Variants in SNTG1 observed in about 807,000 individuals in gnomAD.
SNTG1 encodes the protein gamma-1-syntrophin.
Under a neutral mutation model 74.7 loss-of-function variants are expected in SNTG1, and 39 were observed. The ratio of observed to expected loss-of-function variants is 0.52; its 90% confidence interval spans 0.40 to 0.68. The LOEUF (loss-of-function observed/expected upper bound fraction) is 0.68, where lower values mean the gene tolerates loss of function less well. Among genes scored for constraint, SNTG1 ranks in the 30% least tolerant of loss-of-function variants. SNTG1 has a pLI of 0.00. For missense variants in SNTG1, 685 were observed against 609.5 expected (o/e 1.12, Z -1.30); for synonymous variants, 254 against 217.1 (o/e 1.17, Z -1.49).
At chr8:50,709,089 T>A in intron 17 of SNTG1, 111 bp downstream of exon 17, 1 of 837,584 alleles carries the variant, frequency 1.2e-6, no homozygotes, top group Non-Finnish European at 1.9e-6. Context: ...GTGTCAAATT[T>A]AAGATCTTCG....
chr8:50,000,416 C>T (rs1274718579), intron 1 of SNTG1, among the ~76,000 whole-genome samples: 1 of 152,070 alleles, frequency 6.6e-6, no homozygotes, highest in Non-Finnish European at 1.5e-5. Context: ...TGCTGCTCCT[C>T]CGAGTTGTTC....
chr8:50,715,128 A>G (rs970022016), intron 17 of SNTG1, among the ~76,000 whole-genome samples: 1 of 152,186 alleles, frequency 6.6e-6, no homozygotes, highest in Admixed American at 6.5e-5. Context: ...GAATGAAGGC[A>G]TTGGAATCCC....
At chr8:50,444,399 C>G (rs1436355549) in intron 5 of SNTG1, among the ~76,000 whole-genome samples, 1 of 152,088 alleles carries the variant, frequency 6.6e-6, no homozygotes, top group Non-Finnish European at 1.5e-5. Flanking sequence ...CATTTTTACT[C>G]AAGTCTGATT....
At chr8:50,075,749 G>A (rs1821809794) in intron 1 of SNTG1, among the ~76,000 whole-genome samples, 1 of 152,154 alleles carries the variant, frequency 6.6e-6, no homozygotes, top group African/African-American at 2.4e-5. Flanking sequence ...CCTGAGGCCA[G>A]CAAGACCACG....
intron 2 of SNTG1, among the ~76,000 whole-genome samples, chr8:50,340,207 A>G (rs1477303430): frequency 6.6e-6 from 1 of 152,028 alleles, no homozygotes; most frequent in South Asian, 2.1e-4. Flanking sequence ...TTTTGTAGAT[A>G]CTAATAAACT....
rs563078912 is a variant in SNTG1, at chr8:50,785,095, TA to T, written c.1396-7569del. Among the ~76,000 whole-genome samples the T allele has an allele frequency of 9.1e-4, 138 of 151,858 alleles. 2 individuals are homozygous for T. Among genetic ancestry groups the T allele is most frequent in the Middle Eastern group, 7.0e-3 (2 of 284 alleles). On this transcript the variant is annotated intron_variant, in intron 18 of 18. Coordinates refer to ENST00000642720, the MANE Select transcript of SNTG1 (RefSeq NM_018967.5). ...TAACTTCAAATACTATATTAAGTAA[TA>T]AAAAAATCTTAAATACCTAATCTTT...
chr8:50,616,470 T>C (rs752217172), intron 13 of SNTG1, among the ~76,000 whole-genome samples: 4 of 152,092 alleles, frequency 2.6e-5, no homozygotes, highest in Non-Finnish European at 4.4e-5. Flanking sequence ...AGAACAGGAT[T>C]CAGCTGCTGC....
At chr8:50,783,028 A>G (rs544741745) in intron 18 of SNTG1, among the ~76,000 whole-genome samples, 2 of 152,290 alleles carry the variant, frequency 1.3e-5, no homozygotes, top group Admixed American at 6.5e-5. Flanking sequence ...GATTTTCATG[A>G]ACCGCAAATG....
intron 9 of SNTG1, among the ~76,000 whole-genome samples, chr8:50,513,581 G>T (rs992709659): frequency 1.3e-5 from 2 of 152,226 alleles, no homozygotes; most frequent in East Asian, 3.9e-4. Flanking sequence ...GAGCTTCCTG[G>T]GTGCTTTGTC....
At chr8:50,415,936 C>A (rs191640062) in intron 4 of SNTG1, among the ~76,000 whole-genome samples, 2 of 152,092 alleles carry the variant, frequency 1.3e-5, no homozygotes, top group Middle Eastern at 3.2e-3. Flanking sequence ...TACATGATAA[C>A]GATGGGTGAT....
rs187530520 is a variant in SNTG1, at chr8:50,042,532, G to T, written c.-102-130029G>T. ...ACCATGATAGCATCATTGCTTTCCA[G>T]CCAGGGTGACAGACAGAGACGGTCT... On this transcript the variant is annotated intron_variant, in intron 1 of 18. Coordinates refer to ENST00000642720, the MANE Select transcript of SNTG1 (RefSeq NM_018967.5). Among the ~76,000 whole-genome samples the T allele has an allele frequency of 1.2e-4, 19 of 152,162 alleles. 1 individual carries two copies. The East Asian group carries it at 3.7e-3, about 29-fold the overall frequency.
chr8:49,936,700 C>T (rs920914283), intron 1 of SNTG1, among the ~76,000 whole-genome samples: 4 of 152,122 alleles, frequency 2.6e-5, no homozygotes, highest in African/African-American at 9.7e-5. Flanking sequence ...GTTCATAGCA[C>T]CCTTATCTAG....
intron 4 of SNTG1, among the ~76,000 whole-genome samples, chr8:50,432,111 T>C (rs1209273785): frequency 1.3e-5 from 2 of 152,192 alleles, no homozygotes; most frequent in African/African-American, 4.8e-5. Flanking sequence ...AAAAATCACA[T>C]GGGTTTTCTC....
chr8:50,535,265 G>C (rs2094299155), intron 10 of SNTG1, among the ~76,000 whole-genome samples: 1 of 152,054 alleles, frequency 6.6e-6, no homozygotes. Flanking sequence ...TACTCAGTTG[G>C]GAAACTGGTA....
chr8:50,141,222 C>T (rs1049012357), intron 1 of SNTG1, among the ~76,000 whole-genome samples: 3 of 152,184 alleles, frequency 2.0e-5, no homozygotes, highest in Non-Finnish European at 4.4e-5. Context: ...ATTGCCAGAT[C>T]AGATAGTAAG....
chr8:50,179,825 C>T (rs768860447), intron 2 of SNTG1, among the ~76,000 whole-genome samples: 2 of 152,094 alleles, frequency 1.3e-5, no homozygotes, highest in Non-Finnish European at 2.9e-5. Context: ...TTGTGCACTG[C>T]TGCTGAGAAT....
At chr8:50,559,158 T>C (rs2094473002) in intron 12 of SNTG1, among the ~76,000 whole-genome samples, 1 of 152,122 alleles carries the variant, frequency 6.6e-6, no homozygotes, top group Non-Finnish European at 1.5e-5. Flanking sequence ...GAGTAAATAG[T>C]ACAGGAGAAA....
At chr8:50,384,119 A>G (rs1029882017) in intron 2 of SNTG1, among the ~76,000 whole-genome samples, 1 of 152,214 alleles carries the variant, frequency 6.6e-6, no homozygotes, top group Non-Finnish European at 1.5e-5. Flanking sequence ...AGACAGCACC[A>G]TATATTGAAC....
At chr8:50,777,430 A>G (rs947620428) in intron 18 of SNTG1, among the ~76,000 whole-genome samples, 5 of 150,162 alleles carry the variant, frequency 3.3e-5, no homozygotes, top group Admixed American at 3.3e-4. Context: ...TTCTGTTATT[A>G]TATTTATCAG....
Sources: allele counts gnomAD v4.1 joint callset (sites outside exome capture counted in the v4.1 genomes callset), GRCh38; gene constraint gnomAD v4.1.1; transcripts MANE v1.5; gene names NCBI Gene and HGNC (gene_info 2026-07-23, HGNC 2026-07-21).